Variants in ENPEP observed in about 807,000 individuals in gnomAD.
The protein encoded by ENPEP is AP-A.
Under a neutral mutation model 114.5 loss-of-function variants are expected in ENPEP, and 103 were observed. That is an observed-to-expected ratio of 0.90 (90% CI 0.77 to 1.06). The LOEUF (loss-of-function observed/expected upper bound fraction) is 1.06, where lower values mean the gene tolerates loss of function less well. Among genes scored for constraint, ENPEP ranks in the 50% least tolerant of loss-of-function variants. The pLI, the probability that ENPEP is intolerant of heterozygous loss-of-function variation, is 0.00. For synonymous variants in ENPEP, 420 were observed against 422.0 expected, an observed-to-expected ratio of 1.00 and a Z score of 0.06; for missense variants, 1,196 against 1,161.3, an observed-to-expected ratio of 1.03 and a Z score of -0.43.
At chr4:110,561,214 A>C (rs1317389721) in intron 19 of ENPEP, among the ~76,000 whole-genome samples, 192 bp from the exon 20 acceptor site, 1 of 152,174 alleles carries the variant, frequency 6.6e-6, no homozygotes, top group African/African-American at 2.4e-5. Context: ...TGGGGATCCA[A>C]AAGCCATGGG....
chr4:110,511,393 C>T (rs187021595), intron 6 of ENPEP, among the ~76,000 whole-genome samples: 2 of 152,142 alleles, frequency 1.3e-5, no homozygotes, highest in East Asian at 3.9e-4. Context: ...CAGTAACCTG[C>T]CAGCCCCTGT....
chr4:110,498,185 A>C (rs1038109609), intron 3 of ENPEP, among the ~76,000 whole-genome samples: 3 of 152,200 alleles, frequency 2.0e-5, no homozygotes, highest in African/African-American at 7.2e-5. Flanking sequence ...TAAGATGTGC[A>C]CCAGATACAG....
chr4:110,479,955 T>C (rs1560549207), intron 1 of ENPEP, among the ~76,000 whole-genome samples: 1 of 152,236 alleles, frequency 6.6e-6, no homozygotes, highest in Non-Finnish European at 1.5e-5. Context: ...TATACACAAA[T>C]ACTCTCACTC....
At chr4:110,541,748 T>C (rs1407239777) in intron 11 of ENPEP, among the ~76,000 whole-genome samples, 1 of 152,126 alleles carries the variant, frequency 6.6e-6, no homozygotes, top group Non-Finnish European at 1.5e-5. Context: ...TTTTTCAATA[T>C]CACAACCTAC....
rs997257210 is a variant in ENPEP, at chr4:110,562,610, G to C, written c.*1052G>C. 2 of 152,070 alleles carry C rather than the reference G, an allele frequency of 1.3e-5. No homozygotes were observed. Among genetic ancestry groups the C allele is most frequent in the African/African-American group, 4.8e-5 (2 of 41,414 alleles). 9.4% of individuals were successfully genotyped at this position (152,070 alleles called of 1,614,324 possible). ...ATATCTCCTTATAGATCAATTTTAT[G>C]TATAAACCCTTAGATCCTAATCCAT... On this transcript the variant is annotated 3_prime_UTR_variant, in exon 20 of 20. Coordinates refer to ENST00000265162, the MANE Select transcript of ENPEP (RefSeq NM_001977.4).
At chr4:110,505,932 A>G (rs1725354763) in intron 3 of ENPEP, among the ~76,000 whole-genome samples, 1 of 152,206 alleles carries the variant, frequency 6.6e-6, no homozygotes, top group African/African-American at 2.4e-5. Flanking sequence ...TTGGGGACAA[A>G]AATCTGTACT....
intron 18 of ENPEP, among the ~76,000 whole-genome samples, chr4:110,555,675 T>C (rs1017053704): frequency 6.6e-6 from 1 of 152,004 alleles, no homozygotes; most frequent in Non-Finnish European, 1.5e-5. Flanking sequence ...AAAAACTAAG[T>C]CATTAGGACA....
intron 10 of ENPEP, among the ~76,000 whole-genome samples, chr4:110,527,674 A>G (rs942626696): frequency 1.3e-5 from 2 of 152,200 alleles, no homozygotes; most frequent in Non-Finnish European, 2.9e-5. Context: ...TGTTTCTTTT[A>G]TAGTTACTGT....
rs763943076 is a variant in ENPEP, at chr4:110,476,852, G to A, written c.438G>A (p.Glu146=). ...LRETRITRLP[E]LKRPSGDQVQ... ...AGACCAGGATCACCCGGCTCCCGGA[G>A]CTGAAGAGGCCCTCTGGGGACCAGG... The change falls in exon 1 of 20, where the codon GAG becomes GAA. Residue 146 remains glutamate, a synonymous_variant. Coordinates refer to ENST00000265162, the MANE Select transcript of ENPEP (RefSeq NM_001977.4). The A allele has an allele frequency of 1.9e-6, 3 of 1,614,148 alleles. No individual in the cohort carries two copies. Among genetic ancestry groups the A allele is most frequent in the East Asian group, 4.5e-5 (2 of 44,866 alleles).
Position 110,549,574 on chromosome 4 carries a change from A to G in ENPEP, c.2272A>G (p.Arg758Gly). 3 of 1,613,706 alleles carry G rather than the reference A, an allele frequency of 1.9e-6. No individual in the cohort carries two copies. The highest frequency in any genetic ancestry group is 2.5e-6 in the Non-Finnish European group (3 of 1,179,720). The change falls in exon 16 of 20, where the codon AGA becomes GGA. Residue 758 changes from arginine (R) to glycine (G), a missense_variant. Coordinates refer to ENST00000265162, the MANE Select transcript of ENPEP (RefSeq NM_001977.4). ...AGGGTTTGCGTGCAAGATGGGAGAC[A>G]GAGAAGCCTTGAACAATGCTTCCTC... ...VLGFACKMGD[R>G]EALNNASSLF... is the part of the protein sequence containing the mutation.
chr4:110,509,851 C>T (rs911589496), intron 5 of ENPEP, 44 bp downstream of exon 5: 6 of 1,578,508 alleles, frequency 3.8e-6, no homozygotes, highest in Non-Finnish European at 5.1e-6. Context: ...TTTAAAGTGG[C>T]TTAAGACCAC....
chr4:110,476,335 A>G lies in ENPEP; in HGVS notation c.-80A>G, dbSNP rs1450152783. The G allele has an allele frequency of 4.1e-6, 6 of 1,477,442 alleles. No individual in the cohort carries two copies. The African/African-American group carries it at 4.2e-5, about 10-fold the overall frequency. 91.5% of individuals were successfully genotyped at this position (1,477,442 alleles called of 1,614,324 possible). On this transcript the variant is annotated 5_prime_UTR_variant, in exon 1 of 20. Transcript: ENST00000265162. ...CTGCCAAATCAGGGGATTCCTTCCA[A>G]TTTAAAAAGGAAGTCTGCTGACGTT...
intron 7 of ENPEP, 135 bp downstream of exon 7, chr4:110,513,684 C>CTG (rs1725662906): frequency 1.9e-6 from 2 of 1,025,706 alleles, no homozygotes; most frequent in Non-Finnish European, 2.8e-6. Flanking sequence ...ATTCTGAGTG[C>CTG]TGAATATTCA....
In ENPEP at chr4:110,548,164, T is replaced by TC; in HGVS notation, c.2001-12_2001-11insC. 1 of 941,934 alleles carries TC rather than the reference T, an allele frequency of 1.1e-6. No homozygotes were observed. Among genetic ancestry groups the TC allele is most frequent in the Non-Finnish European group, 1.3e-6 (1 of 744,030 alleles). 58.3% of individuals were successfully genotyped at this position (941,934 alleles called of 1,614,324 possible). On this transcript the variant is annotated splice_polypyrimidine_tract_variant and intron_variant, in intron 13 of 19. Transcript: ENST00000265162. ...GTTTTTTTTTTTTTTTTTTTTTTTT[T>TC]GTCTTTCTCAGAGCTCAACTTCTAG...
At chr4:110,516,281 C>A (rs1465141471) in intron 8 of ENPEP, among the ~76,000 whole-genome samples, 2 of 152,130 alleles carry the variant, frequency 1.3e-5, no homozygotes, top group Non-Finnish European at 2.9e-5. Context: ...GCGTATTATT[C>A]CAGGAGATGT....
At chr4:110,543,973 C>T (rs1024450751) in intron 13 of ENPEP, among the ~76,000 whole-genome samples, 26 of 152,108 alleles carry the variant, frequency 1.7e-4, no homozygotes, top group South Asian at 8.3e-4. Context: ...CCTGACTGTA[C>T]GTTGCCAATA....
At chr4:110,501,301 T>C (rs1168611470) in intron 3 of ENPEP, among the ~76,000 whole-genome samples, 1 of 152,150 alleles carries the variant, frequency 6.6e-6, no homozygotes, top group Admixed American at 6.6e-5. Context: ...GCTTTTATTT[T>C]AGGTTCAGGG....
chr4:110,539,076 G>A (rs961715582), intron 11 of ENPEP, among the ~76,000 whole-genome samples: 3 of 152,110 alleles, frequency 2.0e-5, no homozygotes, highest in Non-Finnish European at 4.4e-5. Context: ...TAATGAAAAA[G>A]TTTGAAATAT....
At position 110,531,267 on chromosome 4, in the gene ENPEP, A is replaced by C; in HGVS notation, c.1797A>C (p.Ser599=). ...CAAGCAGTGTGTTATTTAATAGGTC[A>C]GAAAAAGAAGGTAAATATTATTAAT... ...NITSSVLFNR[S]EKEGITLNSS... The change falls in exon 11 of 20, where the codon TCA becomes TCC. Residue 599 remains serine (S), a synonymous_variant. Coordinates refer to ENST00000265162, the MANE Select transcript of ENPEP (RefSeq NM_001977.4). The C allele has an allele frequency of 7.0e-7, 1 of 1,438,228 alleles. No homozygotes were observed. 89.1% of individuals were successfully genotyped at this position (1,438,228 alleles called of 1,614,324 possible).
Sources: allele counts gnomAD v4.1 joint callset (sites outside exome capture counted in the v4.1 genomes callset), GRCh38; gene constraint gnomAD v4.1.1; transcripts MANE v1.5; gene names NCBI Gene and HGNC (gene_info 2026-07-23, HGNC 2026-07-21).